FOXN3: variants seen among roughly 807,000 people sequenced by gnomAD.
FOXN3 encodes forkhead box protein N3.
In FOXN3, 7 loss-of-function variants were observed where a neutral mutation model predicts 38.4. That is an observed-to-expected ratio of 0.18 (90% CI 0.10 to 0.34). The LOEUF is 0.34. Among genes scored for constraint, FOXN3 ranks in the 10% least tolerant of loss-of-function variants. FOXN3 has a pLI of 1.00. For synonymous variants in FOXN3, 230 were observed against 242.2 expected, an observed-to-expected ratio of 0.95 and a Z score of 0.47; for missense variants, 456 against 613.4, an observed-to-expected ratio of 0.74 and a Z score of 2.71.
Position 89,354,037 on chromosome 14 carries a change from G to A in FOXN3, c.544-3229C>T, listed in dbSNP as rs1889090382. ...GGTTTACTTGAAAACTTTAAAAATG[G>A]AAATATGCAAAGGATAGAATGCTCA... On this transcript the variant is annotated intron_variant, in intron 2 of 5. Coordinates refer to ENST00000557258, the MANE Select transcript of FOXN3 (RefSeq NM_005197.4). Among the ~76,000 whole-genome samples the A allele has an allele frequency of 3.3e-5, 5 of 151,960 alleles. No individual in the cohort carries two copies. The South Asian group carries it at 1.0e-3, about 31-fold the overall frequency.
chr14:89,339,513 G>A (rs1000175981), intron 3 of FOXN3, among the ~76,000 whole-genome samples: 4 of 152,170 alleles, frequency 2.6e-5, no homozygotes, highest in Non-Finnish European at 5.9e-5. Flanking sequence ...CAAGCGTGTG[G>A]TTCTCTCGGA....
Position 89,569,008 on chromosome 14 carries a change from A to T in FOXN3, c.-15+50020T>A, listed in dbSNP as rs184188952. ...TCACGAGGTCAGGAGATCGAGACCA[A>T]CCCGGCTAACACGGTGAAACCCCAT... is the stretch of plus-strand genomic sequence containing the variant. On this transcript the variant is annotated intron_variant, in intron 1 of 6. Coordinates refer to the FOXN3 transcript ENST00000345097. Among the ~76,000 whole-genome samples, 713 of 152,248 alleles carry T rather than the reference A, an allele frequency of 4.7e-3. 23 individuals carry two copies. The highest frequency in any genetic ancestry group is 0.039 in the Admixed American group (594 of 15,274).
At chr14:89,224,545 A>T (rs187950324) in intron 4 of FOXN3, among the ~76,000 whole-genome samples, 25 of 152,324 alleles carry the variant, frequency 1.6e-4, no homozygotes, top group Non-Finnish European at 2.9e-4. Context: ...TCCATCTTCA[A>T]TAACAACTTA....
In FOXN3 at chr14:89,160,984, C is replaced by T. The variant is rs1171804002; in HGVS notation, c.*1430G>A. ...AAGAAAACCAAAAGAAACTCTAAGC[C>T]TAAGGGCTTAAAAATTACAGGCATA... On this transcript the variant is annotated 3_prime_UTR_variant, in exon 6 of 6. Coordinates refer to ENST00000557258, the MANE Select transcript of FOXN3 (RefSeq NM_005197.4). 6.6e-6 allele frequency: 1 copy of T among 152,036 alleles called. No homozygotes were observed. Among genetic ancestry groups the T allele is most frequent in the African/African-American group, 2.4e-5 (1 of 41,422 alleles). The allele number at this position is 152,036 out of a possible 1,614,324, so 9.4% of individuals were successfully genotyped here. A position where few individuals can be genotyped will look rare whatever the true frequency, so the allele number is the denominator to read the frequency against.
At chr14:89,318,162 C>CTCTTT (rs538416217) in intron 3 of FOXN3, among the ~76,000 whole-genome samples, 9 of 127,488 alleles carry the variant, frequency 7.1e-5, no homozygotes, top group Middle Eastern at 4.1e-3. Flanking sequence ...TTCTTCTTCT[C>CTCTTT]TTTTTTTTTT....
chr14:89,256,423 G>A (rs529078944), intron 4 of FOXN3, among the ~76,000 whole-genome samples: 6 of 152,170 alleles, frequency 3.9e-5, no homozygotes, highest in East Asian at 1.9e-4. Flanking sequence ...CTACGGTCAC[G>A]CCACATTCCA....
chr14:89,472,428 T>C (rs142896570), intron 1 of FOXN3, among the ~76,000 whole-genome samples: 120 of 151,170 alleles, frequency 7.9e-4, no homozygotes, highest in African/African-American at 2.6e-3. Context: ...TGCATTAAGA[T>C]AGATTGTGCA....
intron 1 of FOXN3, among the ~76,000 whole-genome samples, chr14:89,524,350 G>A (rs1394089072): frequency 2.2e-4 from 22 of 99,968 alleles, no homozygotes; most frequent in African/African-American, 8.0e-4. Flanking sequence ...ACTCCAGCCT[G>A]GCGACAGCAA....
intron 1 of FOXN3, among the ~76,000 whole-genome samples, chr14:89,543,864 C>T (rs1894835798): frequency 6.6e-6 from 1 of 152,038 alleles, no homozygotes; most frequent in South Asian, 2.1e-4. Flanking sequence ...TTCTAGTATA[C>T]AACCGATTTG....
chr14:89,542,301 C>A (rs1277068236), intron 1 of FOXN3, among the ~76,000 whole-genome samples: 2 of 152,200 alleles, frequency 1.3e-5, no homozygotes, highest in African/African-American at 2.4e-5. Context: ...TACCTGGACA[C>A]TCCCAAGTCT....
chr14:89,238,136 C>A (rs1259483997), intron 4 of FOXN3, among the ~76,000 whole-genome samples: 5 of 152,236 alleles, frequency 3.3e-5, no homozygotes, highest in Admixed American at 2.6e-4. Context: ...AAATTCCCAT[C>A]CTTGTATACT....
intron 4 of FOXN3, among the ~76,000 whole-genome samples, chr14:89,217,967 T>G (rs1884340047): frequency 1.3e-5 from 2 of 152,226 alleles, no homozygotes; most frequent in African/African-American, 2.4e-5. Context: ...CAATCATCAT[T>G]TGTACCTTTT....
At chr14:89,190,940 C>T (rs1479702651) in intron 4 of FOXN3, among the ~76,000 whole-genome samples, 1 of 151,732 alleles carries the variant, frequency 6.6e-6, no homozygotes, top group Admixed American at 6.6e-5. Flanking sequence ...TTGTGTTTCA[C>T]GAGGTTATGT....
intron 1 of FOXN3, among the ~76,000 whole-genome samples, chr14:89,581,902 G>A (rs1328195370): frequency 6.6e-6 from 1 of 152,114 alleles, no homozygotes; most frequent in Non-Finnish European, 1.5e-5. Context: ...AGTCTGAGTT[G>A]GGGTTGACTT....
At chr14:89,492,179 A>G (rs1420979697) in intron 1 of FOXN3, among the ~76,000 whole-genome samples, 2 of 152,236 alleles carry the variant, frequency 1.3e-5, no homozygotes, top group Admixed American at 6.5e-5. Context: ...TTCAAACACA[A>G]TAACAGAACG....
At chr14:89,269,485 G>GTTTTTTTTTTTT (rs56189442) in intron 4 of FOXN3, among the ~76,000 whole-genome samples, 1 of 148,212 alleles carries the variant, frequency 6.7e-6, no homozygotes, top group Non-Finnish European at 1.5e-5. Flanking sequence ...GTTTTGTTTT[G>GTTTTTTTTTTTT]TTTTTTTTTT....
At chr14:89,505,510 C>T (rs1455005426) in intron 1 of FOXN3, among the ~76,000 whole-genome samples, 20 of 150,388 alleles carry the variant, frequency 1.3e-4, no homozygotes, top group East Asian at 1.0e-3. Flanking sequence ...CTCCTAACCG[C>T]GAGTGATCCG....
At chr14:89,360,118 C>A (rs1889402231) in intron 2 of FOXN3, among the ~76,000 whole-genome samples, 1 of 152,124 alleles carries the variant, frequency 6.6e-6, no homozygotes, top group Admixed American at 6.5e-5. Flanking sequence ...CCAGTTAATT[C>A]CCCGGGGCCC....
chr14:89,319,757 G>A (rs1887845451), intron 3 of FOXN3, among the ~76,000 whole-genome samples: 1 of 152,178 alleles, frequency 6.6e-6, no homozygotes. Flanking sequence ...TACATGGGAT[G>A]TCTTACACGC....
Sources: allele counts gnomAD v4.1 joint callset (sites outside exome capture counted in the v4.1 genomes callset), GRCh38; gene constraint gnomAD v4.1.1; transcripts MANE v1.5; gene names NCBI Gene and HGNC (gene_info 2026-07-23, HGNC 2026-07-21).